The following PEX5 variants were observed in gnomAD, a reference collection of about 807,000 sequenced individuals.
PEX5 encodes PTS1 receptor.
Under a neutral mutation model 82.9 loss-of-function variants are expected in PEX5, and 52 were observed. That is an observed-to-expected ratio of 0.63 (90% confidence interval 0.50 to 0.79). PEX5 has a LOEUF of 0.79. PEX5 is among the 30% of genes least tolerant of loss of function. PEX5 has a pLI of 0.00. For synonymous variants in PEX5, 300 were observed against 318.8 expected (o/e 0.94, Z 0.63); for missense variants, 719 against 815.2 (o/e 0.88, Z 1.44).
intron 5 of PEX5, among the ~76,000 whole-genome samples, chr12:7,198,597 G>A (rs1943170470): frequency 6.6e-6 from 1 of 152,300 alleles, no homozygotes; most frequent in East Asian, 1.9e-4. Flanking sequence ...GAACAGACCA[G>A]TGCCTTGGTT....
At chr12:7,216,559 C>T (rs1027653011) in intron 17 of PEX5, among the ~76,000 whole-genome samples, 8 of 141,906 alleles carry the variant, frequency 5.6e-5, no homozygotes, top group Admixed American at 3.2e-4. Flanking sequence ...ATTTATTTTA[C>T]GATCATAACT....
chr12:7,201,135 G>GCACACACACA (rs113517645), intron 6 of PEX5, among the ~76,000 whole-genome samples: 4 of 121,672 alleles, frequency 3.3e-5, no homozygotes, highest in South Asian at 2.7e-4. Context: ...ATGTGTGCGT[G>GCACACACACA]CACACACACA....
intron 13 of PEX5, 83 bp from the exon 14 acceptor site, chr12:7,208,922 T>TTGA: frequency 2.4e-6 from 3 of 1,231,762 alleles, no homozygotes; most frequent in Non-Finnish European, 3.6e-6. Context: ...GGGGATATGG[T>TTGA]TGATCAATGA....
At chr12:7,193,595 A>T (rs12229849) in intron 5 of PEX5, among the ~76,000 whole-genome samples, 24,192 of 152,180 alleles carry the variant, frequency 0.16, 2,227 homozygotes, top group Non-Finnish European at 0.2. Context: ...GACCCTCTCC[A>T]AGACAGAAAC....
At chr12:7,189,810 G>T in intron 1 of PEX5, 60 bp downstream of exon 1, 1 of 837,424 alleles carries the variant, frequency 1.2e-6, no homozygotes, top group Non-Finnish European at 1.7e-6. Flanking sequence ...CCACCCTTGC[G>T]GTGGCCTCGC....
downstream of PEX5, among the ~76,000 whole-genome samples, chr12:7,214,404 T>C (rs1945718371): frequency 6.6e-6 from 1 of 151,600 alleles, no homozygotes; most frequent in Admixed American, 6.6e-5. Flanking sequence ...AAATGATGAG[T>C]TCATGTCCTT....
chr12:7,202,144 CA>C (rs1462164404), intron 7 of PEX5, 96 bp from the exon 8 acceptor site: 1 of 1,580,556 alleles, frequency 6.3e-7, no homozygotes, highest in African/African-American at 1.3e-5. Context: ...TAGAGATGGT[CA>C]GGGGAGGGGT....
chr12:7,198,639 C>T (rs1466626116), intron 5 of PEX5, among the ~76,000 whole-genome samples: 1 of 152,180 alleles, frequency 6.6e-6, no homozygotes, highest in African/African-American at 2.4e-5. Context: ...GCTCCCTTCA[C>T]TCCTTACTGG....
downstream of PEX5, among the ~76,000 whole-genome samples, chr12:7,211,969 G>T (rs12816422): frequency 0.012 from 1,656 of 139,984 alleles, 43 homozygotes; most frequent in African/African-American, 0.043. Context: ...TTTTTTTTTT[G>T]TTTTTTTTTT....
Position 7,191,663 on chromosome 12 carries a change from G to A in PEX5, c.411G>A (p.Glu137=). 6.2e-7 allele frequency: 1 copy of A among 1,613,856 alleles called. No individual in the cohort carries two copies. Among genetic ancestry groups the A allele is most frequent in the Non-Finnish European group, 8.5e-7 (1 of 1,179,734 alleles). ...DAVDVTQDYN[E]TDWSQEFISE... ...TGGATGTAACTCAGGATTATAATGAGACTGACTGGTCCCAAGAATTCATCT... is the reference window on the plus strand; with the variant it reads ...TGGATGTAACTCAGGATTATAATGAAACTGACTGGTCCCAAGAATTCATCT... The change falls in exon 5 of 16, where the codon GAG becomes GAA. Residue 137 remains glutamate, a synonymous_variant. Transcript: ENST00000675855.
Position 7,209,840 on chromosome 12 carries a change from G to A in PEX5, c.1718G>A (p.Arg573Gln), listed in dbSNP as rs776481733. 6 of 1,614,180 alleles carry A rather than the reference G, an allele frequency of 3.7e-6. No individual in the cohort carries two copies. The South Asian group carries it at 6.6e-5, about 18-fold the overall frequency. ...AGCTGCATCAACCTCGGGGCTCACC[G>A]GTGAGAGTATCTATTGAGAAATGAA... ...GISCINLGAH[R>Q]EAVEHFLEAL... is the part of the protein sequence containing the mutation. The change falls in exon 15 of 16, where the codon CGG becomes CAG. Residue 573 changes from arginine (R) to glutamine (Q), a missense_variant and splice_region_variant. By Grantham distance (43) the Arg-to-Gln change is conservative. Coordinates refer to ENST00000675855, the MANE Select transcript of PEX5 (RefSeq NM_001351132.2).
intron 6 of PEX5, among the ~76,000 whole-genome samples, chr12:7,199,723 A>C (rs1943410757): frequency 6.7e-6 from 1 of 150,232 alleles, no homozygotes; most frequent in Non-Finnish European, 1.5e-5. Flanking sequence ...TATTGGGTAC[A>C]CCTCCCAGAC....
At chr12:7,205,971 T>G (rs1944711277) in intron 10 of PEX5, among the ~76,000 whole-genome samples, 1 of 152,198 alleles carries the variant, frequency 6.6e-6, no homozygotes, top group Admixed American at 6.5e-5. Context: ...TGGTAAGGCG[T>G]TGGTGAAGAT....
At chr12:7,201,191 A>G (rs1047603722) in intron 6 of PEX5, among the ~76,000 whole-genome samples, 5 of 148,982 alleles carry the variant, frequency 3.4e-5, no homozygotes, top group Non-Finnish European at 7.4e-5. Context: ...ACACACGCAT[A>G]CATACACATA....
intron 1 of PEX5, chr12:7,190,075 G>A (rs2135868315): frequency 2.0e-6 from 3 of 1,498,134 alleles, no homozygotes; most frequent in Non-Finnish European, 2.6e-6. Context: ...CGGGGTCCAG[G>A]CCCCTTTGTG....
chr12:7,210,055 C>T lies in PEX5; in HGVS notation c.1752C>T (p.Asn584=), dbSNP rs1165878236. The part of the protein sequence containing the change: ...EAVEHFLEAL[N]MQRKSRGPRG... ...TGGAGCACTTTCTGGAGGCCCTGAA[C>T]ATGCAGAGGAAAAGCCGGGGCCCCC... Residue 584 remains asparagine, a synonymous_variant, in exon 16 of 16, where the codon AAC becomes AAT. Transcript: ENST00000675855. 13 of 1,614,132 alleles carry T rather than the reference C, an allele frequency of 8.1e-6. No homozygotes were observed. The highest frequency in any genetic ancestry group is 1.1e-5 in the Non-Finnish European group (13 of 1,180,044).
In PEX5 at chr12:7,208,622, G is replaced by C. The variant is rs778715159; in HGVS notation, c.1347G>C (p.Gly449=). 23 of 1,613,968 alleles carry C rather than the reference G, an allele frequency of 1.4e-5. No homozygotes were observed. The highest frequency in any genetic ancestry group is 1.6e-4 in the Middle Eastern group (1 of 6,084). ...LVTPAEEGAG[G]AGLGPSKRIL... is the part of the protein sequence containing the mutation. ...CACCTGCTGAAGAAGGGGCTGGTGGGGCAGGACTGGGCCCCAGCAAGCGTA... is the reference window on the plus strand; with the variant it reads ...CACCTGCTGAAGAAGGGGCTGGTGGCGCAGGACTGGGCCCCAGCAAGCGTA... Residue 449 remains glycine, a synonymous_variant, in exon 13 of 16, where the codon GGG becomes GGC. Transcript: ENST00000675855.
chr12:7,209,867 G>C (rs754063576), intron 15 of PEX5, 27 bp downstream of exon 15: 1 of 1,613,492 alleles, frequency 6.2e-7, no homozygotes, highest in Non-Finnish European at 8.5e-7. Context: ...AGAAATGAAT[G>C]AATGAGCTTT....
chr12:7,216,905 G>A (rs1010331304), intron 17 of PEX5, among the ~76,000 whole-genome samples: 10 of 152,144 alleles, frequency 6.6e-5, no homozygotes, highest in African/African-American at 2.4e-4. Flanking sequence ...GTTTGTGTTA[G>A]AGAATAGGAA....
Sources: allele counts gnomAD v4.1 joint callset (sites outside exome capture counted in the v4.1 genomes callset), GRCh38; gene constraint gnomAD v4.1.1; transcripts MANE v1.5; gene names NCBI Gene and HGNC (gene_info 2026-07-23, HGNC 2026-07-21).